Variants in PCDH15 observed in about 807,000 individuals in gnomAD.
The protein encoded by PCDH15 is protocadherin related 15, also known as protocadherin-15.
Under a neutral mutation model 178.5 loss-of-function variants are expected in PCDH15, and 129 were observed. The observed-to-expected ratio is 0.72, with a 90% confidence interval of 0.63 to 0.84. The LOEUF (loss-of-function observed/expected upper bound fraction) is 0.84. Ranked by LOEUF, PCDH15 falls within the 40% of genes least tolerant of loss-of-function variation. The pLI is 0.00. For synonymous variants in PCDH15, 800 were observed against 732.0 expected (o/e 1.09, Z -1.50); for missense variants, 2,230 against 2,099.9 (o/e 1.06, Z -1.21).
In PCDH15 at chr10:55,025,708, A is replaced by G. The variant is rs758794446; in HGVS notation, c.-79-128208T>C. On this transcript the variant is annotated intron_variant, in intron 2 of 5. Transcript: ENST00000458638. ...AATGCAATAACAGATTTTATAACTT[A>G]TTTATACTTGTATAGAAGAGTTACA... 5.9e-4 allele frequency among the ~76,000 whole-genome samples: 89 copies of G among 152,128 alleles called. No individual in the cohort carries two copies. In the Middle Eastern group the frequency reaches 0.017, roughly 29 times the overall value.
chr10:54,745,161 C>T (rs1236504599), intron 1 of PCDH15, among the ~76,000 whole-genome samples: 2 of 151,876 alleles, frequency 1.3e-5, no homozygotes, highest in African/African-American at 2.4e-5. Flanking sequence ...ATCAATTCAC[C>T]GGGTTATGGT....
In PCDH15 at chr10:54,346,485, C is replaced by A; in HGVS notation, c.475-1G>T. ...ATATTGTGGTACCAACTGGAGTGAGCTGAAAGGAAAAAAGATTTTAAATAT... is the reference window on the plus strand; with the variant it reads ...ATATTGTGGTACCAACTGGAGTGAGATGAAAGGAAAAAAGATTTTAAATAT... On this transcript the variant is annotated splice_acceptor_variant, in intron 5 of 37. Transcript: ENST00000644397. LOFTEE classifies it high-confidence loss of function. 1 of 1,613,408 alleles carries A rather than the reference C, an allele frequency of 6.2e-7. No individual in the cohort carries two copies. Among genetic ancestry groups the A allele is most frequent in the South Asian group, 1.1e-5 (1 of 91,070 alleles).
At chr10:54,319,106 C>A (rs761502333) in intron 7 of PCDH15, among the ~76,000 whole-genome samples, 1 of 152,156 alleles carries the variant, frequency 6.6e-6, no homozygotes, top group Non-Finnish European at 1.5e-5. Flanking sequence ...TAGCATCATT[C>A]ATTATGACAG....
intron 27 of PCDH15, among the ~76,000 whole-genome samples, chr10:53,862,405 G>A (rs1052439240): frequency 1.3e-4 from 20 of 152,008 alleles, no homozygotes; most frequent in African/African-American, 3.9e-4. Flanking sequence ...TCCTGCATTG[G>A]CCACTTGGAA....
rs141938844 is a variant in PCDH15 at position 54,511,431 on chromosome 10, G to A, written c.157+16381C>T. 5.5e-3 allele frequency among the ~76,000 whole-genome samples: 831 copies of A among 151,916 alleles called. 3 individuals are homozygous for A. The highest frequency in any genetic ancestry group is 0.019 in the African/African-American group (771 of 41,414). On this transcript the variant is annotated intron_variant, in intron 3 of 37. Coordinates refer to ENST00000644397, the MANE Select transcript of PCDH15 (RefSeq NM_001384140.1). ...CCTAGGTGACCTGCAGATTCTTCAC[G>A]CCTACCACCAGAAACAGAGAGAATA...
chr10:55,387,301 G>C (rs1333058415), intron 2 of PCDH15, among the ~76,000 whole-genome samples: 4 of 152,146 alleles, frequency 2.6e-5, no homozygotes, highest in East Asian at 3.9e-4. Context: ...GAGGCTGAAA[G>C]GGAGGAAACA....
chr10:54,130,060 A>G (rs189118658), intron 15 of PCDH15, among the ~76,000 whole-genome samples: 26 of 152,308 alleles, frequency 1.7e-4, no homozygotes, highest in Non-Finnish European at 5.9e-5. Context: ...ATTTGAGTAT[A>G]AAACATAGTT....
intron 2 of PCDH15, among the ~76,000 whole-genome samples, chr10:55,112,495 GAGA>G (rs1285264177): frequency 6.6e-6 from 1 of 152,108 alleles, no homozygotes; most frequent in Non-Finnish European, 1.5e-5. Flanking sequence ...AAAGGAGAGA[GAGA>G]AACAAGGTAA....
chr10:54,490,818 G>A (rs1489124462), intron 3 of PCDH15, among the ~76,000 whole-genome samples: 1 of 152,086 alleles, frequency 6.6e-6, no homozygotes, highest in African/African-American at 2.4e-5. Flanking sequence ...AAATGATTTT[G>A]TGAAGATATA....
At chr10:53,986,903 G>T (rs1218218366) in intron 21 of PCDH15, among the ~76,000 whole-genome samples, 1 of 152,106 alleles carries the variant, frequency 6.6e-6, no homozygotes, top group East Asian at 1.9e-4. Context: ...AGAACTGAGG[G>T]TTACAGTAAA....
chr10:55,171,271 C>T (rs1839325102), intron 1 of PCDH15, among the ~76,000 whole-genome samples: 1 of 152,222 alleles, frequency 6.6e-6, no homozygotes, highest in Admixed American at 6.5e-5. Flanking sequence ...TACAGCTCTT[C>T]TACTCTGTAT....
intron 2 of PCDH15, chr10:55,468,565 T>TA (rs1448494768): frequency 6.6e-6 from 1 of 152,232 alleles, no homozygotes; most frequent in African/African-American, 2.4e-5. Context: ...TACATTTTTT[T>TA]ATCTACCATA....
chr10:54,364,882 C>T (rs12781943), intron 5 of PCDH15, among the ~76,000 whole-genome samples: 6 of 152,048 alleles, frequency 3.9e-5, no homozygotes, highest in Non-Finnish European at 7.4e-5. Context: ...TGGTAGCTGT[C>T]GACTGGGGTT....
At chr10:55,365,789 A>T (rs541235700) in intron 2 of PCDH15, among the ~76,000 whole-genome samples, 1 of 151,808 alleles carries the variant, frequency 6.6e-6, no homozygotes, top group East Asian at 1.9e-4. Flanking sequence ...AGCCCAACAA[A>T]CTCTTTCTTT....
intron 32 of PCDH15, chr10:53,823,380 G>T: frequency 6.3e-7 from 1 of 1,597,292 alleles, no homozygotes; most frequent in Non-Finnish European, 8.6e-7. Flanking sequence ...AGAAGATAAT[G>T]AAATGTAAGG....
chr10:55,578,890 C>G (rs1842549358), intron 2 of PCDH15, among the ~76,000 whole-genome samples: 1 of 152,068 alleles, frequency 6.6e-6, no homozygotes, highest in South Asian at 2.1e-4. Context: ...AGATCCACCC[C>G]CCTATGATTC....
intron 14 of PCDH15, among the ~76,000 whole-genome samples, chr10:54,151,726 C>T (rs1296701639): frequency 6.6e-6 from 1 of 152,054 alleles, no homozygotes; most frequent in Non-Finnish European, 1.5e-5. Context: ...CAACATCAAA[C>T]ATATATAATA....
chr10:54,943,716 C>T (rs1838117918), intron 2 of PCDH15, among the ~76,000 whole-genome samples: 1 of 151,816 alleles, frequency 6.6e-6, no homozygotes, highest in African/African-American at 2.4e-5. Flanking sequence ...ATTTCATGTG[C>T]AGAGCAAGTA....
chr10:55,409,386 T>C (rs1414174448), intron 2 of PCDH15, among the ~76,000 whole-genome samples: 1 of 152,176 alleles, frequency 6.6e-6, no homozygotes, highest in Admixed American at 6.5e-5. Flanking sequence ...TACTGTCCAA[T>C]CATGAAATCA....
Sources: gnomAD v4.1 joint callset for allele counts (sites outside exome capture counted in the v4.1 genomes callset) on GRCh38, gnomAD v4.1.1 for gene constraint, MANE v1.5 for transcripts, NCBI Gene and HGNC (gene_info 2026-07-23, HGNC 2026-07-21) for gene names.